TMEM163: variants seen among roughly 807,000 people sequenced by gnomAD.
The protein encoded by TMEM163 is transmembrane protein 163.
TMEM163 carries 17 observed loss-of-function variants against 29.3 expected under a neutral mutation model. The observed-to-expected ratio is 0.58, with a 90% confidence interval of 0.40 to 0.87. The LOEUF is 0.87. TMEM163 is among the 40% of genes least tolerant of loss of function. The probability of loss-of-function intolerance (pLI) is 0.00; values close to 1 mark genes in which losing one functional copy is unlikely to be tolerated. For synonymous variants in TMEM163, 157 were observed against 160.6 expected (o/e 0.98, Z 0.17); for missense variants, 303 against 381.5 (o/e 0.79, Z 1.71).
chr2:134,509,719 C>T (rs1206679355), intron 4 of TMEM163, among the ~76,000 whole-genome samples: 1 of 152,226 alleles, frequency 6.6e-6, no homozygotes, highest in Non-Finnish European at 1.5e-5. Context: ...CACTATAGGA[C>T]AGTCCATCAC....
chr2:134,538,556 C>A (rs373889511), intron 4 of TMEM163, among the ~76,000 whole-genome samples: 5 of 152,210 alleles, frequency 3.3e-5, no homozygotes, highest in Non-Finnish European at 5.9e-5. Context: ...GGAAACAACA[C>A]AAATGCCCAT....
chr2:134,682,228 C>A (rs111302567), intron 2 of TMEM163, among the ~76,000 whole-genome samples: 1 of 152,300 alleles, frequency 6.6e-6, no homozygotes, highest in African/African-American at 2.4e-5. Flanking sequence ...TTAGAGCTTA[C>A]ATCTCTTGCA....
chr2:134,462,474 C>G (rs1365021462), intron 6 of TMEM163, among the ~76,000 whole-genome samples: 1 of 152,202 alleles, frequency 6.6e-6, no homozygotes, highest in Non-Finnish European at 1.5e-5. Flanking sequence ...GGAAGGGACT[C>G]CCCCATGCCC....
At chr2:134,622,987 A>G (rs1682774695) in intron 2 of TMEM163, among the ~76,000 whole-genome samples, 1 of 152,246 alleles carries the variant, frequency 6.6e-6, no homozygotes, top group Admixed American at 6.5e-5. Context: ...TTACCATAGG[A>G]AGATAGCAGG....
chr2:134,496,270 C>T (rs1679558147), intron 5 of TMEM163, among the ~76,000 whole-genome samples: 1 of 152,136 alleles, frequency 6.6e-6, no homozygotes, highest in African/African-American at 2.4e-5. Context: ...CCATATTGGC[C>T]AGGCTGGTCT....
chr2:134,572,395 T>C (rs992115344), intron 2 of TMEM163, among the ~76,000 whole-genome samples: 2 of 152,200 alleles, frequency 1.3e-5, no homozygotes, highest in Non-Finnish European at 2.9e-5. Context: ...ACTGATGGAA[T>C]ATAATTTTTA....
intron 2 of TMEM163, among the ~76,000 whole-genome samples, 171 bp from the exon 3 acceptor site, chr2:134,552,262 GAA>G (rs1680946431): frequency 6.6e-6 from 1 of 152,164 alleles, no homozygotes; most frequent in Non-Finnish European, 1.5e-5. Context: ...AGAGTGAACT[GAA>G]AAGATTCCCA....
chr2:134,493,879 T>C (rs972079838), intron 5 of TMEM163, among the ~76,000 whole-genome samples: 5 of 152,114 alleles, frequency 3.3e-5, no homozygotes, highest in African/African-American at 9.7e-5. Context: ...GACTTTCCTT[T>C]CCCCCATTGA....
At chr2:134,469,317 G>A (rs1427362281) in intron 5 of TMEM163, 3 of 152,148 alleles carry the variant, frequency 2.0e-5, no homozygotes, top group African/African-American at 7.2e-5. Context: ...GGGCTTCCTG[G>A]AGCGAAAAAG....
At chr2:134,546,981 A>C (rs1291505037) in intron 4 of TMEM163, among the ~76,000 whole-genome samples, 2 of 152,198 alleles carry the variant, frequency 1.3e-5, no homozygotes, top group Admixed American at 1.3e-4. Context: ...GAAGTATCTA[A>C]AGCAGTCAAA....
At chr2:134,613,699 C>T (rs1006175514) in intron 2 of TMEM163, among the ~76,000 whole-genome samples, 1 of 151,954 alleles carries the variant, frequency 6.6e-6, no homozygotes, top group Non-Finnish European at 1.5e-5. Context: ...CAACTAACAA[C>T]AAGCAAATGG....
chr2:134,502,066 C>T (rs1679707268), intron 5 of TMEM163, among the ~76,000 whole-genome samples: 1 of 152,154 alleles, frequency 6.6e-6, no homozygotes, highest in Non-Finnish European at 1.5e-5. Context: ...AACACACATA[C>T]ATGCAATACA....
chr2:134,588,109 A>G (rs1574260482), intron 2 of TMEM163, among the ~76,000 whole-genome samples: 1 of 152,218 alleles, frequency 6.6e-6, no homozygotes, highest in East Asian at 1.9e-4. Context: ...CATTTTTGGA[A>G]CCAAGAGAAT....
chr2:134,648,953 G>T (rs1277863495), intron 2 of TMEM163, among the ~76,000 whole-genome samples: 1 of 152,196 alleles, frequency 6.6e-6, no homozygotes, highest in East Asian at 1.9e-4. Flanking sequence ...GAATCATTTT[G>T]ACTACTAAGA....
intron 5 of TMEM163, among the ~76,000 whole-genome samples, chr2:134,484,351 T>C (rs1679267210): frequency 6.6e-6 from 1 of 152,036 alleles, no homozygotes; most frequent in Non-Finnish European, 1.5e-5. Context: ...CAAAGGATTA[T>C]TAGAATGGCA....
In TMEM163 at chr2:134,700,941, A is replaced by AATACATACATAAATACATAAATAC. The variant is rs1553495681; in HGVS notation, c.322+12258_322+12259insGTATTTATGTATTTATGTATGTAT. ...AAATAAATAAATAAATAAATAAATA[A>AATACATACATAAATACATAAATAC]ATAAATAAAGTAAAAAATAAAAAGA... On this transcript the variant is annotated intron_variant, in intron 2 of 7. Coordinates refer to ENST00000281924, the MANE Select transcript of TMEM163 (RefSeq NM_030923.5). Among the ~76,000 whole-genome samples, 43 of 146,410 alleles carry AATACATACATAAATACATAAATAC rather than the reference A, an allele frequency of 2.9e-4. 1 individual carries two copies. Among genetic ancestry groups the AATACATACATAAATACATAAATAC allele is most frequent in the Middle Eastern group, 3.5e-3 (1 of 282 alleles).
At chr2:134,674,163 T>A (rs1684054046) in intron 2 of TMEM163, among the ~76,000 whole-genome samples, 1 of 152,072 alleles carries the variant, frequency 6.6e-6, no homozygotes, top group African/African-American at 2.4e-5. Context: ...TTCTCCCATA[T>A]CTGAGAGTAT....
intron 2 of TMEM163, among the ~76,000 whole-genome samples, chr2:134,555,095 T>C (rs751221531): frequency 4.3e-4 from 65 of 152,200 alleles, no homozygotes; most frequent in Non-Finnish European, 3.7e-4. Context: ...TAACAGCAAA[T>C]AGTCATTAGC....
chr2:134,520,631 C>T lies in TMEM163; in HGVS notation c.459-17634G>A, dbSNP rs1057146643. ...CAAACACACAAACACTTCTTGTTTA[C>T]ACTCTCATCTTCCTATGACAGGGTC... On this transcript the variant is annotated intron_variant, in intron 4 of 7. Coordinates refer to ENST00000281924, the MANE Select transcript of TMEM163 (RefSeq NM_030923.5). 4.6e-5 allele frequency among the ~76,000 whole-genome samples: 7 copies of T among 152,218 alleles called. No individual in the cohort carries two copies. The East Asian group carries it at 1.2e-3, about 25-fold the overall frequency.
Sources: gnomAD v4.1 joint callset for allele counts (sites outside exome capture counted in the v4.1 genomes callset) on GRCh38, gnomAD v4.1.1 for gene constraint, MANE v1.5 for transcripts, NCBI Gene and HGNC (gene_info 2026-07-23, HGNC 2026-07-21) for gene names.